ASB18: variants seen among roughly 807,000 people sequenced by gnomAD.
The protein encoded by ASB18 is ankyrin repeat and SOCS box protein 18.
Under a neutral mutation model 33.4 loss-of-function variants are expected in ASB18, and 33 were observed. That is an observed-to-expected ratio of 0.99 (90% CI 0.75 to 1.32). ASB18 has a LOEUF of 1.32. ASB18 is among the 40% of genes most tolerant of loss of function. The pLI, the probability that ASB18 is intolerant of heterozygous loss-of-function variation, is 0.00. For synonymous variants in ASB18, 295 were observed against 307.6 expected (o/e 0.96, Z 0.43); for missense variants, 694 against 655.5 (o/e 1.06, Z -0.64).
chr2:236,247,112 C>A, intron 1 of ASB18, among the ~76,000 whole-genome samples: 1 of 136,404 alleles, frequency 7.3e-6, no homozygotes. Flanking sequence ...GTGTAGTAGT[C>A]AAGAAACAGA....
At position 236,229,464 on chromosome 2, in the gene ASB18, A is replaced by C. The variant is rs2060555244; in HGVS notation, c.596+8225T>G. The stretch of plus-strand genomic sequence containing the variant: ...GTATAGAAAAAAAATGTGAAGAAAT[A>C]ATTGCCAAAATATTTCCAAATTGGA... On this transcript the variant is annotated intron_variant, in intron 3 of 5. Coordinates refer to ENST00000409749, the MANE Select transcript of ASB18 (RefSeq NM_212556.4). This position sits in a 1 kb window ranked among gnomAD's most constrained non-coding sequence, Gnocchi z 5.2. 6.6e-6 allele frequency among the ~76,000 whole-genome samples: 1 copy of C among 152,174 alleles called. No homozygotes were observed. The highest frequency in any genetic ancestry group is 6.5e-5 in the Admixed American group (1 of 15,270).
At chr2:236,227,527 A>G (rs1380752907) in intron 3 of ASB18, among the ~76,000 whole-genome samples, 1 of 152,210 alleles carries the variant, frequency 6.6e-6, no homozygotes, top group Non-Finnish European at 1.5e-5. Flanking sequence ...GAACACAGAG[A>G]CATAGAAAAA....
intron 4 of ASB18, among the ~76,000 whole-genome samples, chr2:236,197,079 C>G (rs996821770): frequency 1.3e-5 from 2 of 149,074 alleles, no homozygotes; most frequent in East Asian, 1.9e-4. Flanking sequence ...CCCGCCCCCC[C>G]CATCAACCCA....
chr2:236,226,183 A>C lies in ASB18; in HGVS notation c.597-11317T>G, dbSNP rs770398109. Among the ~76,000 whole-genome samples, 9 of 152,234 alleles carry C rather than the reference A, an allele frequency of 5.9e-5. No homozygotes were observed. Among genetic ancestry groups the C allele is most frequent in the Admixed American group, 2.0e-4 (3 of 15,286 alleles). On this transcript the variant is annotated intron_variant, in intron 3 of 5. Coordinates refer to ENST00000409749, the MANE Select transcript of ASB18 (RefSeq NM_212556.4). The surrounding 1 kb of genome is among the most constrained non-coding windows in gnomAD (Gnocchi z 4.8). ...GACATCTATTAACTTTTTATCCTTC[A>C]AGGTAGTTGGCTGTGTTATTGTAGA... is the stretch of plus-strand genomic sequence containing the variant.
Position 236,256,270 on chromosome 2 carries a change from G to C in ASB18, c.205+7871C>G, listed in dbSNP as rs906687878. ...TCAAACTCCTGGGCTCAAGAGATTCGCCCACCTTAGCCTCCCAAAGTGCTG... is the reference window on the plus strand; with the variant it reads ...TCAAACTCCTGGGCTCAAGAGATTCCCCCACCTTAGCCTCCCAAAGTGCTG... On this transcript the variant is annotated intron_variant, in intron 1 of 5. Coordinates refer to ENST00000409749, the MANE Select transcript of ASB18 (RefSeq NM_212556.4). The surrounding 1 kb of genome is among the most constrained non-coding windows in gnomAD (Gnocchi z 4.7). 6.6e-6 allele frequency among the ~76,000 whole-genome samples: 1 copy of C among 151,960 alleles called. No individual in the cohort carries two copies. Among genetic ancestry groups the C allele is most frequent in the East Asian group, 1.9e-4 (1 of 5,156 alleles).
rs1258520395 is a variant in ASB18 at position 236,252,796 on chromosome 2, GAC to G, written c.205+11343_205+11344del. On this transcript the variant is annotated intron_variant, in intron 1 of 5. Coordinates refer to ENST00000409749, the MANE Select transcript of ASB18 (RefSeq NM_212556.4). This position sits in a 1 kb window ranked among gnomAD's most constrained non-coding sequence, Gnocchi z 7.9. ...GAGGAGGGGCCTAGATCCTTTGGTG[GAC>G]ACAGAGATGAACCACCCAGGCCCCA... is the stretch of plus-strand genomic sequence containing the variant. Among the ~76,000 whole-genome samples, 1 of 152,140 alleles carries G rather than the reference GAC, an allele frequency of 6.6e-6. No homozygotes were observed. Among genetic ancestry groups the G allele is most frequent in the Non-Finnish European group, 1.5e-5 (1 of 68,022 alleles).
rs2060522435 is a variant in ASB18, at chr2:236,223,509, G to A, written c.597-8643C>T. 6.6e-6 allele frequency among the ~76,000 whole-genome samples: 1 copy of A among 152,192 alleles called. No homozygotes were observed. Among genetic ancestry groups the A allele is most frequent in the African/African-American group, 2.4e-5 (1 of 41,438 alleles). ...CTTTAAACTGGATGAGAGAAACATT[G>A]TATGCATGTAGGTATGTATGTATAT... On this transcript the variant is annotated intron_variant, in intron 3 of 5. Transcript: ENST00000409749. This position sits in a 1 kb window ranked among gnomAD's most constrained non-coding sequence, Gnocchi z 4.6.
chr2:236,214,385 C>A lies in ASB18; in HGVS notation c.1078G>T (p.Val360Leu). ...QALLNHGSPT[V>L]WPDAFPKVLK... ...ACCTTGGGGAAGGCGTCGGGCCACA[C>A]GGTGGGAGAGCCGTGGTTGAGCAGC... Residue 360 changes from valine to leucine, a missense_variant, in exon 4 of 6, where the codon GTG (valine) becomes TTG (leucine). Physicochemically the swap from Val to Leu is conservative, Grantham distance 32 (BLOSUM62 1). Coordinates refer to ENST00000409749, the MANE Select transcript of ASB18 (RefSeq NM_212556.4). The surrounding 1 kb of genome is among the most constrained non-coding windows in gnomAD (Gnocchi z 6.5). 1 of 1,576,620 alleles carries A rather than the reference C, an allele frequency of 6.3e-7. No individual in the cohort carries two copies. Among genetic ancestry groups the A allele is most frequent in the South Asian group, 1.2e-5 (1 of 86,602 alleles).
In ASB18 at chr2:236,195,346, A is replaced by G. The variant is rs2060366776; in HGVS notation, c.1216-289T>C. ...CCGTTTTGCTCCATCCTCTTTGCAC[A>G]GCAGCCCTACAGCTCCGGGGTGGCC... On this transcript the variant is annotated intron_variant, in intron 5 of 5. Transcript: ENST00000409749. This position sits in a 1 kb window ranked among gnomAD's most constrained non-coding sequence, Gnocchi z 5.5. 6.6e-6 allele frequency among the ~76,000 whole-genome samples: 1 copy of G among 152,256 alleles called. No homozygotes were observed. Among genetic ancestry groups the G allele is most frequent in the African/African-American group, 2.4e-5 (1 of 41,556 alleles).
intron 3 of ASB18, among the ~76,000 whole-genome samples, chr2:236,233,308 T>C (rs1441676197): frequency 6.6e-6 from 1 of 152,120 alleles, no homozygotes; most frequent in African/African-American, 2.4e-5. Flanking sequence ...AAAAGGAATC[T>C]GCAAAATTTT....
chr2:236,261,651 A>C (rs911551960), intron 1 of ASB18, among the ~76,000 whole-genome samples: 2 of 152,234 alleles, frequency 1.3e-5, no homozygotes, highest in Non-Finnish European at 2.9e-5. Context: ...CTGAATCATT[A>C]GGTAGGAAAT....
intron 2 of ASB18, among the ~76,000 whole-genome samples, chr2:236,240,309 C>T (rs2060615519): frequency 6.6e-6 from 1 of 152,174 alleles, no homozygotes; most frequent in Admixed American, 6.5e-5. Context: ...AGCTGCTCGG[C>T]CCTCTGACAG....
Position 236,256,016 on chromosome 2 carries a change from TTTA to T in ASB18, c.205+8122_205+8124del, listed in dbSNP as rs2060690243. Among the ~76,000 whole-genome samples, 1 of 152,204 alleles carries T rather than the reference TTTA, an allele frequency of 6.6e-6. No homozygotes were observed. The highest frequency in any genetic ancestry group is 1.5e-5 in the Non-Finnish European group (1 of 68,034). ...TGCATTAATATTTATTTTTTATTTATTTATTTTTAATTTCTATGTATTCATTTG... is the reference window on the plus strand; with the variant it reads ...TGCATTAATATTTATTTTTTATTTATTTTTTAATTTCTATGTATTCATTTG... On this transcript the variant is annotated intron_variant, in intron 1 of 5. Transcript: ENST00000409749. The surrounding 1 kb of genome is among the most constrained non-coding windows in gnomAD (Gnocchi z 4.7).
chr2:236,261,531 C>T (rs1486621744), intron 1 of ASB18, among the ~76,000 whole-genome samples: 1 of 152,204 alleles, frequency 6.6e-6, no homozygotes, highest in Admixed American at 6.5e-5. Flanking sequence ...AACGCGTGCC[C>T]TAGGATCATG....
At position 236,222,853 on chromosome 2, in the gene ASB18, C is replaced by T; in HGVS notation, c.597-7987G>A. ...TGGCCAACATGGTGAAACCCTATCTCTACTAAAAATACAAAAATTAGATGG... is the reference window on the plus strand; with the variant it reads ...TGGCCAACATGGTGAAACCCTATCTTTACTAAAAATACAAAAATTAGATGG... On this transcript the variant is annotated intron_variant, in intron 3 of 5. Coordinates refer to ENST00000409749, the MANE Select transcript of ASB18 (RefSeq NM_212556.4). The surrounding 1 kb of genome is among the most constrained non-coding windows in gnomAD (Gnocchi z 5.5). Among the ~76,000 whole-genome samples the T allele has an allele frequency of 6.6e-6, 1 of 152,134 alleles. No individual in the cohort carries two copies. The highest frequency in any genetic ancestry group is 1.9e-4 in the East Asian group (1 of 5,180).
At position 236,238,960 on chromosome 2, in the gene ASB18, C is replaced by G. The variant is rs1160709509; in HGVS notation, c.329-1004G>C. Among the ~76,000 whole-genome samples the G allele has an allele frequency of 2.6e-5, 4 of 152,130 alleles. No individual in the cohort carries two copies. Among genetic ancestry groups the G allele is most frequent in the African/African-American group, 9.7e-5 (4 of 41,434 alleles). On this transcript the variant is annotated intron_variant, in intron 2 of 5. Coordinates refer to ENST00000409749, the MANE Select transcript of ASB18 (RefSeq NM_212556.4). The surrounding 1 kb of genome is among the most constrained non-coding windows in gnomAD (Gnocchi z 5.2). ...ACCTACCCGCATGTGGTGCCGAGTT[C>G]CAGCCGCCCTGAGTCCCCAAGGCCC...
Position 236,257,628 on chromosome 2 carries a change from C to T in ASB18, c.205+6513G>A, listed in dbSNP as rs568487239. 4.6e-5 allele frequency among the ~76,000 whole-genome samples: 7 copies of T among 152,236 alleles called. No individual in the cohort carries two copies. The highest frequency in any genetic ancestry group is 2.1e-4 in the South Asian group (1 of 4,812). ...CTTCACTGGGAAGTTTTTTCAGGGACGTTCCTGCAAAATGTCTCTGGGTGG... is the reference window on the plus strand; with the variant it reads ...CTTCACTGGGAAGTTTTTTCAGGGATGTTCCTGCAAAATGTCTCTGGGTGG... On this transcript the variant is annotated intron_variant, in intron 1 of 5. Transcript: ENST00000409749. This position sits in a 1 kb window ranked among gnomAD's most constrained non-coding sequence, Gnocchi z 5.5.
chr2:236,246,346 C>CAAAAAAAAAAAAA (rs60064230), intron 1 of ASB18, among the ~76,000 whole-genome samples: 7 of 32,718 alleles, frequency 2.1e-4, no homozygotes, highest in African/African-American at 5.4e-4. Context: ...GACTCCATCT[C>CAAAAAAAAAAAAA]AAAAAAAAAA....
intron 3 of ASB18, among the ~76,000 whole-genome samples, chr2:236,224,230 T>C (rs2060526797): frequency 7.0e-6 from 1 of 143,716 alleles, no homozygotes; most frequent in Admixed American, 7.2e-5. Context: ...TTCTAATGCA[T>C]GTGAAATGGT....
Sources: allele counts gnomAD v4.1 joint callset (sites outside exome capture counted in the v4.1 genomes callset), GRCh38; gene constraint gnomAD v4.1.1; non-coding constraint Gnocchi (gnomAD v3.1); transcripts MANE v1.5; gene names NCBI Gene and HGNC (gene_info 2026-07-23, HGNC 2026-07-21).